TTC6: variants seen among roughly 807,000 people sequenced by gnomAD.
TTC6 encodes the protein tetratricopeptide repeat domain 6.
A neutral mutation model predicts 210.4 loss-of-function variants in TTC6; 172 were observed. That is an observed-to-expected ratio of 0.82 (90% CI 0.72 to 0.93). The LOEUF (loss-of-function observed/expected upper bound fraction) is 0.93. Among genes scored for constraint, TTC6 ranks in the 40% least tolerant of loss-of-function variants. The pLI, the probability that TTC6 is intolerant of heterozygous loss-of-function variation, is 0.00. For synonymous variants in TTC6, 804 were observed against 819.6 expected (o/e 0.98, Z 0.32); for missense variants, 2,414 against 2,318.1 (o/e 1.04, Z -0.85).
In TTC6 at chr14:37,673,460, A is replaced by G. The variant is rs139375710; in HGVS notation, c.940-6691A>G. On this transcript the variant is annotated intron_variant, in intron 1 of 30. Transcript: ENST00000553443. ...TGCTGATGAAATCATAAAAGGGTAT[A>G]TTTTAGAAACACTCTTTTGGCCTAT... Among the ~76,000 whole-genome samples, 25 of 152,288 alleles carry G rather than the reference A, an allele frequency of 1.6e-4. No individual in the cohort carries two copies. In the East Asian group the frequency reaches 4.6e-3, roughly 28 times the overall value.
intron 25 of TTC6, among the ~76,000 whole-genome samples, chr14:37,816,865 G>A (rs1179807441): frequency 2.0e-5 from 3 of 152,036 alleles, no homozygotes; most frequent in Non-Finnish European, 4.4e-5. Context: ...CTGTCCCTGG[G>A]GCCTGATAAA....
At chr14:37,835,079 C>T (rs1285870561) in intron 29 of TTC6, among the ~76,000 whole-genome samples, 1 of 152,092 alleles carries the variant, frequency 6.6e-6, no homozygotes, top group Non-Finnish European at 1.5e-5. Flanking sequence ...ACATGGGGGC[C>T]ATTGCAGGCA....
At chr14:37,648,273 T>C (rs977074167) in intron 1 of TTC6, among the ~76,000 whole-genome samples, 5 of 152,190 alleles carry the variant, frequency 3.3e-5, no homozygotes, top group African/African-American at 1.2e-4. Flanking sequence ...AGCTTTATGA[T>C]AGATATTCAT....
intron 2 of TTC6, 47 bp from the exon 5 acceptor site, chr14:37,682,711 G>A: frequency 5.4e-6 from 8 of 1,482,926 alleles, no homozygotes; most frequent in Non-Finnish European, 7.3e-6. Flanking sequence ...AAGCCTAGAA[G>A]GACCAATAAA....
Position 37,795,344 on chromosome 14 carries a change from C to A in TTC6, c.3783C>A (p.Tyr1261Ter), listed in dbSNP as rs1003366591. 2.0e-5 allele frequency: 31 copies of A among 1,524,022 alleles called. No individual in the cohort carries two copies. The highest frequency in any genetic ancestry group is 2.6e-5 in the Non-Finnish European group (30 of 1,139,488). 94.4% of individuals were successfully genotyped at this position (1,524,022 alleles called of 1,614,324 possible). ...TTCAGCCAGATGGAATCCAATTATA[C>A]ATAAGAAGGTATGAGCATAGAAACT... Residue 1261 changes from tyrosine to a stop codon, truncating the protein, a stop_gained, in exon 18 of 31, where the codon TAC (tyrosine) becomes TAA (stop). Transcript: ENST00000553443. LOFTEE classifies it high-confidence loss of function.
At chr14:37,705,223 T>G (rs1364596233) in intron 5 of TTC6, among the ~76,000 whole-genome samples, 1 of 152,086 alleles carries the variant, frequency 6.6e-6, no homozygotes, top group Non-Finnish European at 1.5e-5. Context: ...TCCTAGTCAA[T>G]TTTTGGAAAA....
At position 37,679,562 on chromosome 14, in the gene TTC6, C is replaced by T. The variant is rs149989057; in HGVS notation, c.940-589C>T. 1.8e-4 allele frequency among the ~76,000 whole-genome samples: 28 copies of T among 152,212 alleles called. No homozygotes were observed. The East Asian group carries it at 5.4e-3, about 29-fold the overall frequency. ...TTTCCTGTGCAGTGTTTTATACAAT[C>T]TGACTTAATAGCATTGTTTTATAGC... is the stretch of plus-strand genomic sequence containing the variant. On this transcript the variant is annotated intron_variant, in intron 1 of 30. Transcript: ENST00000553443.
chr14:37,607,576 A>G (rs973967480), intron 2 of TTC6, among the ~76,000 whole-genome samples: 5 of 152,176 alleles, frequency 3.3e-5, no homozygotes, highest in Non-Finnish European at 5.9e-5. Flanking sequence ...AAAGTTCATG[A>G]AAGTAGAATT....
intron 1 of TTC6, among the ~76,000 whole-genome samples, chr14:37,652,694 C>T (rs1158554628): frequency 7.2e-5 from 11 of 152,144 alleles, no homozygotes; most frequent in Non-Finnish European, 1.5e-5. Flanking sequence ...CCTTTATATT[C>T]TAAATCATAT....
At chr14:37,661,093 G>C (rs2095736426) in intron 1 of TTC6, among the ~76,000 whole-genome samples, 1 of 152,084 alleles carries the variant, frequency 6.6e-6, no homozygotes, top group Non-Finnish European at 1.5e-5. Context: ...TTAAACCTTT[G>C]TTGGATAGGT....
chr14:37,610,793 C>T (rs904019385), intron 2 of TTC6, among the ~76,000 whole-genome samples: 6 of 152,154 alleles, frequency 3.9e-5, no homozygotes, highest in African/African-American at 1.4e-4. Context: ...CATCCATAAG[C>T]ACCACAGTTT....
chr14:37,724,078 C>T (rs34477874), intron 6 of TTC6, among the ~76,000 whole-genome samples: 6 of 152,012 alleles, frequency 3.9e-5, no homozygotes, highest in Non-Finnish European at 8.8e-5. Context: ...ACAGAAACCA[C>T]ACTAGCAAAC....
intron 1 of TTC6, among the ~76,000 whole-genome samples, chr14:37,605,220 G>A (rs1270615535): frequency 2.6e-5 from 4 of 152,130 alleles, no homozygotes; most frequent in Admixed American, 2.6e-4. Context: ...CCCTCCTATT[G>A]ATGAAGTTTG....
chr14:37,723,969 A>G (rs964385714), intron 6 of TTC6, among the ~76,000 whole-genome samples: 2 of 152,110 alleles, frequency 1.3e-5, no homozygotes, highest in East Asian at 1.9e-4. Flanking sequence ...TTAAAAATGT[A>G]TAATGTCATG....
rs74048804 is a variant in TTC6, at chr14:37,815,368, C to T, written c.4690-2210C>T. On this transcript the variant is annotated intron_variant, in intron 25 of 30. Coordinates refer to ENST00000553443, the Ensembl canonical transcript of TTC6. Reference sequence around the variant, plus strand: ...CGTCAGGGTGGCGGGGTGATGGTTTCGGAATGAAACTGTTCCACCTCCGAT... The same window carrying T: ...CGTCAGGGTGGCGGGGTGATGGTTTTGGAATGAAACTGTTCCACCTCCGAT... Among the ~76,000 whole-genome samples, 411 of 152,166 alleles carry T rather than the reference C, an allele frequency of 2.7e-3. 3 individuals are homozygous for T. Among genetic ancestry groups the T allele is most frequent in the African/African-American group, 9.3e-3 (387 of 41,528 alleles).
intron 10 of TTC6, among the ~76,000 whole-genome samples, chr14:37,740,193 A>C (rs1376073573): frequency 3.3e-5 from 5 of 150,298 alleles, no homozygotes; most frequent in Non-Finnish European, 7.4e-5. Flanking sequence ...TAATTTTTTT[A>C]ATATTGTAAG....
chr14:37,602,109 C>T (rs1382731925), intron 1 of TTC6, among the ~76,000 whole-genome samples: 1 of 152,250 alleles, frequency 6.6e-6, no homozygotes, highest in Non-Finnish European at 1.5e-5. Context: ...GGCCCCTGCT[C>T]TTGGGGGCGC....
chr14:37,631,134 T>G (rs1008085351), intron 1 of TTC6, among the ~76,000 whole-genome samples: 1 of 151,960 alleles, frequency 6.6e-6, no homozygotes, highest in African/African-American at 2.4e-5. Context: ...TTGTTATGTG[T>G]GAATTTGATC....
At chr14:37,759,987 C>G (rs966907651) in intron 14 of TTC6, among the ~76,000 whole-genome samples, 7 of 152,272 alleles carry the variant, frequency 4.6e-5, no homozygotes, top group Non-Finnish European at 8.8e-5. Context: ...ACCCACCTTC[C>G]GAAGCCAACT....
Sources: gnomAD v4.1 joint callset for allele counts (sites outside exome capture counted in the v4.1 genomes callset) on GRCh38, gnomAD v4.1.1 for gene constraint, MANE v1.5 for transcripts, NCBI Gene and HGNC (gene_info 2026-07-23, HGNC 2026-07-21) for gene names.